PNPLA4: variants seen among roughly 807,000 people sequenced by gnomAD.
PNPLA4 encodes patatin like domain 4, phospholipase and triacylglycerol lipase.
Under a neutral mutation model 18.3 loss-of-function variants are expected in PNPLA4, and 15 were observed. The ratio of observed to expected loss-of-function variants is 0.82; its 90% CI spans 0.55 to 1.26. The LOEUF is 1.26. Among genes scored for constraint, PNPLA4 ranks in the 50% most tolerant of loss-of-function variants. PNPLA4 has a pLI of 0.00. For synonymous variants in PNPLA4, 88 were observed against 85.6 expected (o/e 1.03, Z -0.16); for missense variants, 229 against 196.8 (o/e 1.16, Z -0.98).
chrX:7,908,337 A>G (rs1373492864), intron 5 of PNPLA4, among the ~76,000 whole-genome samples: 4 of 112,009 alleles, frequency 3.6e-5, no homozygotes, highest in African/African-American at 1.3e-4. Context: ...ACTAAAGACA[A>G]CAAATACATC....
intron 4 of PNPLA4, among the ~76,000 whole-genome samples, chrX:7,913,747 A>G (rs1198705044): frequency 8.9e-6 from 1 of 112,765 alleles, no homozygotes; most frequent in African/African-American, 3.2e-5. Context: ...CCCTTTGGAT[A>G]GTGGAGCCAC....
At chrX:7,922,905 A>T (rs1179133) in intron 2 of PNPLA4, among the ~76,000 whole-genome samples, 2 of 112,012 alleles carry the variant, frequency 1.8e-5, no homozygotes, top group Non-Finnish European at 3.8e-5. Context: ...CATGAGAGTC[A>T]TAAGTGCCTC....
At chrX:7,912,123 T>C (rs1923897481) in intron 4 of PNPLA4, 30 bp from the exon 5 acceptor site, 3 of 1,075,638 alleles carry the variant, frequency 2.8e-6, no homozygotes, top group Non-Finnish European at 3.9e-6. Flanking sequence ...AAGCAGCTCA[T>C]GATTACAGGC....
chrX:7,913,980 T>A (rs1423796419), intron 4 of PNPLA4, among the ~76,000 whole-genome samples: 1 of 112,600 alleles, frequency 8.9e-6, no homozygotes, highest in African/African-American at 3.2e-5. Context: ...TTTTTTCATC[T>A]TTTGGTCAAT....
At chrX:7,924,458 G>A (rs1419296798) in intron 2 of PNPLA4, among the ~76,000 whole-genome samples, 2 of 111,938 alleles carry the variant, frequency 1.8e-5, no homozygotes, top group Admixed American at 1.9e-4. Context: ...TTAAGTCAAA[G>A]GGTTACTTTG....
intron 5 of PNPLA4, among the ~76,000 whole-genome samples, chrX:7,910,447 C>T (rs1451899833): frequency 2.7e-5 from 3 of 110,521 alleles, no homozygotes; most frequent in African/African-American, 9.8e-5. Flanking sequence ...ATGGTTAAAG[C>T]ACTTTGTATG....
chrX:7,902,355 T>C (rs1214901209), intron 5 of PNPLA4, among the ~76,000 whole-genome samples: 1 of 111,955 alleles, frequency 8.9e-6, no homozygotes, highest in East Asian at 2.8e-4. Flanking sequence ...TTAACTAGAT[T>C]ATTGTCTGTA....
chrX:7,923,752 G>A (rs770681508), intron 2 of PNPLA4, among the ~76,000 whole-genome samples: 1 of 111,421 alleles, frequency 9.0e-6, no homozygotes, highest in South Asian at 3.8e-4. Flanking sequence ...TCCCTATGGC[G>A]AGCCACAAGT....
intron 4 of PNPLA4, among the ~76,000 whole-genome samples, chrX:7,918,609 AC>A (rs1924117722): frequency 9.0e-6 from 1 of 110,848 alleles, no homozygotes; most frequent in Admixed American, 9.6e-5. Context: ...ACCCACAGCT[AC>A]CCATCATCGA....
At chrX:7,917,301 A>G (rs1228708058) in intron 4 of PNPLA4, among the ~76,000 whole-genome samples, 1 of 112,494 alleles carries the variant, frequency 8.9e-6, no homozygotes, top group African/African-American at 3.2e-5. Context: ...GATGAGCTGT[A>G]AAATCAGATG....
chrX:7,925,467 T>C (rs897026520), intron 2 of PNPLA4, among the ~76,000 whole-genome samples: 1 of 112,185 alleles, frequency 8.9e-6, no homozygotes, highest in African/African-American at 3.2e-5. Context: ...ACTCAGAGCT[T>C]CCTCTTACTG....
At chrX:7,907,167 G>A (rs769169192) in intron 5 of PNPLA4, among the ~76,000 whole-genome samples, 1 of 110,915 alleles carries the variant, frequency 9.0e-6, no homozygotes, top group African/African-American at 3.3e-5. Flanking sequence ...ACAGGCATGC[G>A]CCACCATGCC....
In PNPLA4 at chrX:7,901,984, C is replaced by T. The variant is rs771284286; in HGVS notation, c.630+5G>A. 4.2e-6 allele frequency: 5 copies of T among 1,204,488 alleles called. No homozygotes were observed. The South Asian group carries it at 9.0e-5, about 22-fold the overall frequency. ...CTTCAAATATCACTGAACATAATTA[C>T]TCACCATGATATCCTGCTTGGCGAT... On this transcript the variant is annotated splice_donor_5th_base_variant and intron_variant, in intron 6 of 6. Coordinates refer to ENST00000381042, the MANE Select transcript of PNPLA4 (RefSeq NM_004650.3).
intron 2 of PNPLA4, among the ~76,000 whole-genome samples, chrX:7,924,067 C>T (rs1387318569): frequency 9.0e-6 from 1 of 111,596 alleles, no homozygotes; most frequent in African/African-American, 3.3e-5. Flanking sequence ...CTCCATAGCC[C>T]GGACCAGACT....
intron 5 of PNPLA4, among the ~76,000 whole-genome samples, chrX:7,908,637 G>C (rs868312896): frequency 2.7e-5 from 3 of 112,018 alleles, no homozygotes; most frequent in Non-Finnish European, 5.6e-5. Flanking sequence ...AACAATGCAA[G>C]GCCGCTGTGG....
chrX:7,920,383 C>G (rs1924178276), intron 4 of PNPLA4, among the ~76,000 whole-genome samples: 1 of 111,800 alleles, frequency 8.9e-6, no homozygotes, highest in African/African-American at 3.3e-5. Context: ...GTCAAGTCTA[C>G]ATAATATTGT....
intron 4 of PNPLA4, 144 bp from the exon 5 acceptor site, chrX:7,912,237 A>G (rs759082521): frequency 1.3e-5 from 5 of 375,642 alleles, no homozygotes; most frequent in East Asian, 1.3e-4. Flanking sequence ...TACATAAAAG[A>G]TAACACTTTA....
chrX:7,925,836 C>T (rs1463396413), intron 2 of PNPLA4, 104 bp downstream of exon 2: 30 of 636,359 alleles, frequency 4.7e-5, no homozygotes, highest in South Asian at 3.6e-5. Context: ...TCCAAGCAAA[C>T]GATTATTTCT....
At chrX:7,918,874 C>T (rs780698210) in intron 4 of PNPLA4, among the ~76,000 whole-genome samples, 360 of 111,984 alleles carry the variant, frequency 3.2e-3, no homozygotes, top group Non-Finnish European at 4.3e-3. Flanking sequence ...CTAGTCTTCC[C>T]GCACTCTCAC....
Sources: gnomAD v4.1 joint callset for allele counts (sites outside exome capture counted in the v4.1 genomes callset) on GRCh38, gnomAD v4.1.1 for gene constraint, MANE v1.5 for transcripts, NCBI Gene and HGNC (gene_info 2026-07-23, HGNC 2026-07-21) for gene names.